The following PARD3 variants were observed in gnomAD, a reference collection of about 807,000 sequenced individuals.
The protein encoded by PARD3 is par-3 family cell polarity regulator.
PARD3 carries 75 observed loss-of-function variants against 155.4 expected under a neutral mutation model. That is an observed-to-expected ratio of 0.48 (90% CI 0.40 to 0.58). The LOEUF (loss-of-function observed/expected upper bound fraction) is 0.58, where lower values mean the gene tolerates loss of function less well. Ranked by LOEUF, PARD3 falls within the 20% of genes least tolerant of loss-of-function variation. The pLI, the probability that PARD3 is intolerant of heterozygous loss-of-function variation, is 0.00. For synonymous variants in PARD3, 576 were observed against 610.5 expected (o/e 0.94, Z 0.83); for missense variants, 1,642 against 1,721.7 (o/e 0.95, Z 0.82).
intron 2 of PARD3, among the ~76,000 whole-genome samples, chr10:34,589,434 AT>A (rs1487722617): frequency 1.3e-5 from 2 of 152,102 alleles, no homozygotes; most frequent in Non-Finnish European, 2.9e-5. Flanking sequence ...TATGACTGGC[AT>A]CCTTAGAAGA....
intron 1 of PARD3, among the ~76,000 whole-genome samples, chr10:34,731,006 T>C (rs2094807327): frequency 6.6e-6 from 1 of 152,114 alleles, no homozygotes. Context: ...TGCCCCAAAC[T>C]TAAGAATTTC....
At chr10:34,466,161 T>C (rs962734276) in intron 4 of PARD3, among the ~76,000 whole-genome samples, 1 of 152,004 alleles carries the variant, frequency 6.6e-6, no homozygotes, top group Admixed American at 6.5e-5. Context: ...TCAAATAACT[T>C]TGAAAAAAGC....
At chr10:34,759,184 C>CA in intron 1 of PARD3, among the ~76,000 whole-genome samples, 1 of 149,380 alleles carries the variant, frequency 6.7e-6, no homozygotes, top group East Asian at 2.0e-4. Context: ...ATATGAAGCA[C>CA]TTTTTTTTTT....
chr10:34,441,187 C>G (rs1218638639), intron 5 of PARD3, among the ~76,000 whole-genome samples: 1 of 152,050 alleles, frequency 6.6e-6, no homozygotes, highest in Non-Finnish European at 1.5e-5. Flanking sequence ...AGGAGAAAAA[C>G]AAAATTTAAG....
intron 4 of PARD3, among the ~76,000 whole-genome samples, chr10:34,466,867 C>G (rs1388221912): frequency 6.6e-6 from 1 of 152,050 alleles, no homozygotes; most frequent in Non-Finnish European, 1.5e-5. Flanking sequence ...AAAATACAAA[C>G]AGCATAAAAC....
At chr10:34,804,019 T>C (rs1321727362) in intron 1 of PARD3, among the ~76,000 whole-genome samples, 1 of 147,762 alleles carries the variant, frequency 6.8e-6, no homozygotes, top group African/African-American at 2.6e-5. Context: ...CTTAGGGATC[T>C]ACTTGATTTG....
At chr10:34,727,593 C>A (rs11009891) in intron 1 of PARD3, among the ~76,000 whole-genome samples, 2,094 of 150,996 alleles carry the variant, frequency 0.014, 44 homozygotes, top group African/African-American at 0.049. Context: ...ACGACAACAA[C>A]AAAAAAAACA....
At chr10:34,695,921 A>T (rs2496741) in intron 2 of PARD3, among the ~76,000 whole-genome samples, 89,590 of 152,084 alleles carry the variant, frequency 0.59, 27,768 homozygotes, top group Non-Finnish European at 0.67. Context: ...GGATCTTCTC[A>T]GGGCCAACGC....
rs115663725 is a variant in PARD3, at chr10:34,135,880, C to T, written c.3420-4297G>A. On this transcript the variant is annotated intron_variant, in intron 22 of 24. Transcript: ENST00000374788. ...TACACGTATATGAATTCAGAACATA[C>T]TGCAGGTATATGGACAACACTCTGA... Among the ~76,000 whole-genome samples the T allele has an allele frequency of 5.2e-3, 798 of 152,332 alleles. 7 individuals carry two copies. Among genetic ancestry groups the T allele is most frequent in the African/African-American group, 0.018 (759 of 41,572 alleles).
intron 2 of PARD3, among the ~76,000 whole-genome samples, chr10:34,641,333 C>T (rs1231739744): frequency 6.6e-6 from 1 of 152,254 alleles, no homozygotes; most frequent in Admixed American, 6.5e-5. Context: ...CACCTGCCCG[C>T]ACCCTGAGCT....
chr10:34,225,576 C>A (rs1404572274), intron 22 of PARD3, among the ~76,000 whole-genome samples: 1 of 152,178 alleles, frequency 6.6e-6, no homozygotes, highest in African/African-American at 2.4e-5. Flanking sequence ...GAACTCCTGA[C>A]CTCAGGTGAT....
At chr10:34,568,056 G>T (rs1410410895) in intron 2 of PARD3, among the ~76,000 whole-genome samples, 1 of 152,192 alleles carries the variant, frequency 6.6e-6, no homozygotes, top group Admixed American at 6.5e-5. Context: ...TTCCTGTGGG[G>T]TAATCGAATA....
At chr10:34,206,361 A>G (rs678188) in intron 22 of PARD3, among the ~76,000 whole-genome samples, 47,180 of 152,174 alleles carry the variant, frequency 0.31, 8,747 homozygotes, top group Non-Finnish European at 0.4. Context: ...AATCCAGCAC[A>G]GGTAGGAAAT....
intron 22 of PARD3, among the ~76,000 whole-genome samples, chr10:34,224,962 ATTG>A (rs753717913): frequency 2.6e-5 from 4 of 152,084 alleles, no homozygotes; most frequent in Non-Finnish European, 5.9e-5. Context: ...CTCTATTTTC[ATTG>A]TTGTTGTTGT....
chr10:34,493,388 T>C (rs2080047723), intron 3 of PARD3, among the ~76,000 whole-genome samples: 1 of 152,178 alleles, frequency 6.6e-6, no homozygotes, highest in Non-Finnish European at 1.5e-5. Flanking sequence ...GAGAGAATTA[T>C]TAAATTTTCA....
chr10:34,377,987 C>A lies in PARD3; in HGVS notation c.1519G>T (p.Ala507Ser), dbSNP rs746572944. Reference protein sequence around the residue: ...GAAIQDGRLKAGDRLIEVNGV... With the variant: ...GAAIQDGRLKSGDRLIEVNGV... ...CTTACCTCTATAAGTCTGTCTCCTG[C>A]CTTAAGTCGGCCATCCTGAATGGCC... is the stretch of plus-strand genomic sequence containing the variant. The change falls in exon 10 of 25, where the codon GCA becomes TCA. Residue 507 changes from alanine (A) to serine (S), a missense_variant. By Grantham distance (99) the Ala-to-Ser change is moderately conservative (BLOSUM62 1). Transcript: ENST00000374788. 2 of 1,584,418 alleles carry A rather than the reference C, an allele frequency of 1.3e-6. No homozygotes were observed. The highest frequency in any genetic ancestry group is 2.3e-5 in the South Asian group (2 of 86,236).
chr10:34,725,429 C>T (rs183986782), intron 1 of PARD3, among the ~76,000 whole-genome samples: 111 of 152,186 alleles, frequency 7.3e-4, no homozygotes, highest in Non-Finnish European at 1.3e-3. Flanking sequence ...TGCTAAGATT[C>T]CAGGTGTGAG....
chr10:34,223,253 G>A (rs959277953), intron 22 of PARD3, among the ~76,000 whole-genome samples: 10 of 152,218 alleles, frequency 6.6e-5, no homozygotes, highest in South Asian at 2.1e-4. Context: ...CCCAGATTCC[G>A]CCAAAATGCC....
chr10:34,489,580 A>C (rs1165925145), intron 3 of PARD3, among the ~76,000 whole-genome samples: 3 of 152,236 alleles, frequency 2.0e-5, no homozygotes, highest in Non-Finnish European at 4.4e-5. Context: ...TGGTTGCTCC[A>C]AGGCAGCAAT....
Sources: gnomAD v4.1 joint callset for allele counts (sites outside exome capture counted in the v4.1 genomes callset) on GRCh38, gnomAD v4.1.1 for gene constraint, MANE v1.5 for transcripts, NCBI Gene and HGNC (gene_info 2026-07-23, HGNC 2026-07-21) for gene names.